Variants in FOXK2 observed in about 807,000 individuals in gnomAD.
FOXK2 encodes forkhead box K2.
A neutral mutation model predicts 53.3 loss-of-function variants in FOXK2; 24 were observed. The observed-to-expected ratio is 0.45, with a 90% CI of 0.33 to 0.63. The LOEUF (loss-of-function observed/expected upper bound fraction) is 0.63. Ranked by LOEUF, FOXK2 falls within the 30% of genes least tolerant of loss-of-function variation. The pLI is 0.03. For synonymous variants in FOXK2, 505 were observed against 407.1 expected (o/e 1.24, Z -2.89); for missense variants, 952 against 910.5 (o/e 1.05, Z -0.59).
intron 1 of FOXK2, among the ~76,000 whole-genome samples, chr17:82,550,902 C>G (rs2044670541): frequency 6.6e-6 from 1 of 152,212 alleles, no homozygotes; most frequent in African/African-American, 2.4e-5. Flanking sequence ...GTTTCTAAGT[C>G]ACTGTGAAGC....
intron 2 of FOXK2, among the ~76,000 whole-genome samples, chr17:82,564,793 C>T (rs534624458): frequency 7.4e-5 from 11 of 147,978 alleles, no homozygotes; most frequent in South Asian, 4.3e-4. Flanking sequence ...GTCCAATGTG[C>T]GGTCTTGGCT....
intron 8 of FOXK2, among the ~76,000 whole-genome samples, chr17:82,597,114 A>G (rs1243148131): frequency 6.6e-6 from 1 of 152,092 alleles, no homozygotes; most frequent in Non-Finnish European, 1.5e-5. Flanking sequence ...CCTGTAACAC[A>G]CCCGTGTCGA....
At chr17:82,570,183 C>T (rs1431205470) in intron 3 of FOXK2, among the ~76,000 whole-genome samples, 3 of 151,328 alleles carry the variant, frequency 2.0e-5, no homozygotes, top group Middle Eastern at 3.4e-3. Flanking sequence ...AATCGCGCCA[C>T]TGCACTCCAG....
chr17:82,583,956 A>C (rs2045099312), intron 5 of FOXK2, 57 bp from the exon 6 acceptor site: 3 of 1,519,282 alleles, frequency 2.0e-6, no homozygotes, highest in Non-Finnish European at 2.7e-6. Context: ...TAAAACAGCA[A>C]GTGCTTTCTG....
chr17:82,536,852 C>T (rs2044525541), intron 1 of FOXK2, among the ~76,000 whole-genome samples: 1 of 152,178 alleles, frequency 6.6e-6, no homozygotes, highest in Non-Finnish European at 1.5e-5. Flanking sequence ...ATCTTCTGCC[C>T]CAGGCATCTG....
intron 1 of FOXK2, among the ~76,000 whole-genome samples, chr17:82,548,138 G>A (rs1218043802): frequency 6.6e-6 from 1 of 152,156 alleles, no homozygotes; most frequent in African/African-American, 2.4e-5. Flanking sequence ...CACTTCTCTT[G>A]GCAGATAACT....
At chr17:82,552,258 T>C (rs1453379719) in intron 1 of FOXK2, among the ~76,000 whole-genome samples, 2 of 152,200 alleles carry the variant, frequency 1.3e-5, no homozygotes, top group East Asian at 1.9e-4. Flanking sequence ...ACAGAGAACT[T>C]CCGTTTTCCC....
intron 1 of FOXK2, among the ~76,000 whole-genome samples, chr17:82,554,621 C>T (rs192185979): frequency 1.3e-5 from 2 of 152,194 alleles, no homozygotes; most frequent in African/African-American, 2.4e-5. Context: ...TGTTCCTTTC[C>T]TGTAGTGCAT....
intron 2 of FOXK2, among the ~76,000 whole-genome samples, chr17:82,567,067 G>A (rs191450322): frequency 1.3e-4 from 20 of 152,280 alleles, no homozygotes; most frequent in Non-Finnish European, 2.6e-4. Flanking sequence ...AAGAAGCACT[G>A]CAGAGGGTAC....
In FOXK2 at chr17:82,587,324, G is replaced by A. The variant is rs1555642801; in HGVS notation, c.1786+52G>A. On this transcript the variant is annotated intron_variant, in intron 8 of 8. Coordinates refer to ENST00000335255, the MANE Select transcript of FOXK2 (RefSeq NM_004514.4). ...CGTGGCTGTGGGTACTGGGAGCAGA[G>A]CCCCTTCTCACTCGTGGTTTCGGTT... The A allele has an allele frequency of 2.9e-6, 4 of 1,389,608 alleles. No individual in the cohort carries two copies. The South Asian group carries it at 4.6e-5, about 16-fold the overall frequency. The allele number at this position is 1,389,608 out of a possible 1,614,324, so 86.1% of individuals were successfully genotyped here. A position where few individuals can be genotyped will look rare whatever the true frequency, so the allele number is the denominator to read the frequency against.
At chr17:82,521,654 G>A (rs2044362547) in intron 1 of FOXK2, among the ~76,000 whole-genome samples, 1 of 150,936 alleles carries the variant, frequency 6.6e-6, no homozygotes, top group Admixed American at 6.6e-5. Context: ...TTTTCAGGCC[G>A]GGCGCGGTGG....
At chr17:82,559,456 C>G in intron 1 of FOXK2, 1 of 456,358 alleles carries the variant, frequency 2.2e-6, no homozygotes, top group Non-Finnish European at 4.4e-6. Context: ...CCGTGAGAAC[C>G]CCTGGGTTTT....
chr17:82,535,847 A>T (rs1227450535), intron 1 of FOXK2, among the ~76,000 whole-genome samples: 1 of 149,308 alleles, frequency 6.7e-6, no homozygotes, highest in Non-Finnish European at 1.5e-5. Context: ...GGTTCAAGCG[A>T]TTCTCCCGCC....
At chr17:82,533,211 C>T (rs912656277) in intron 1 of FOXK2, among the ~76,000 whole-genome samples, 17 of 152,274 alleles carry the variant, frequency 1.1e-4, no homozygotes, top group African/African-American at 3.1e-4. Context: ...ATAGTGCTGC[C>T]GGGCGTGGTG....
chr17:82,598,124 G>T (rs1451056735), intron 8 of FOXK2, among the ~76,000 whole-genome samples: 4 of 146,060 alleles, frequency 2.7e-5, no homozygotes, highest in Non-Finnish European at 3.1e-5. Context: ...GTTTGAAACC[G>T]TATTGTTGAC....
rs151051617 is a variant in FOXK2, at chr17:82,564,631, A to G, written c.614+1083A>G. On this transcript the variant is annotated intron_variant, in intron 2 of 8. Transcript: ENST00000335255. ...ATTTTGAATTTTTTTTAGAGAGCCC[A>G]CAGCCTGAAGAACCATGAGCCAATT... is the stretch of plus-strand genomic sequence containing the variant. 7.7e-4 allele frequency among the ~76,000 whole-genome samples: 117 copies of G among 152,060 alleles called. 1 individual carries two copies. In the East Asian group the frequency reaches 0.018, roughly 23 times the overall value.
intron 1 of FOXK2, among the ~76,000 whole-genome samples, chr17:82,550,502 CTTT>C (rs1304088522): frequency 1.6e-5 from 2 of 126,860 alleles, no homozygotes; most frequent in Non-Finnish European, 1.7e-5. Flanking sequence ...CTGAGGCGGG[CTTT>C]TTTTTTTTTT....
Position 82,582,915 on chromosome 17 carries a change from C to G in FOXK2, c.1084C>G (p.Leu362Val), listed in dbSNP as rs1271451422. 1 of 1,594,950 alleles carries G rather than the reference C, an allele frequency of 6.3e-7. No homozygotes were observed. The highest frequency in any genetic ancestry group is 8.5e-7 in the Non-Finnish European group (1 of 1,175,056). ...GGGCGTGCCCTGCTTTAGAACCCCT[C>G]TGGGACCGCTCTCTTCTAGGTAAGG... ...PRGVPCFRTP[L>V]GPLSSRSAPA... The change falls in exon 5 of 9, where the codon CTG becomes GTG. Residue 362 changes from leucine to valine, a missense_variant. Transcript: ENST00000335255.
chr17:82,593,846 A>AC (rs1297038723), intron 8 of FOXK2: 1 of 152,264 alleles, frequency 6.6e-6, no homozygotes, highest in Non-Finnish European at 1.5e-5. Flanking sequence ...GGGTCCCTGG[A>AC]CGTCTTTCAC....
Sources: gnomAD v4.1 joint callset for allele counts (sites outside exome capture counted in the v4.1 genomes callset) on GRCh38, gnomAD v4.1.1 for gene constraint, MANE v1.5 for transcripts, NCBI Gene and HGNC (gene_info 2026-07-23, HGNC 2026-07-21) for gene names.